Variants in ZC3H12B observed in about 807,000 individuals in gnomAD.
ZC3H12B encodes the protein zinc finger CCCH-type containing 12B.
ZC3H12B carries 7 observed loss-of-function variants against 43.9 expected under a neutral mutation model. The observed-to-expected ratio is 0.16, with a 90% CI of 0.09 to 0.30. The LOEUF (loss-of-function observed/expected upper bound fraction) is 0.30. Ranked by LOEUF, ZC3H12B falls within the 10% of genes least tolerant of loss-of-function variation. The probability of loss-of-function intolerance (pLI) is 1.00; values close to 1 mark genes in which losing one functional copy is unlikely to be tolerated. For synonymous variants in ZC3H12B, 222 were observed against 241.7 expected (o/e 0.92, Z 0.76); for missense variants, 475 against 670.2 (o/e 0.71, Z 3.22).
At chrX:65,121,539 C>A in the ZC3H12B span, among the ~76,000 whole-genome samples, 1 of 111,422 alleles carries the variant, frequency 9.0e-6, no homozygotes, top group Admixed American at 9.5e-5. Context: ...ATTCTTCTCT[C>A]TTTTCTTCTT....
chrX:65,096,047 C>T, the ZC3H12B span, among the ~76,000 whole-genome samples: 2 of 111,509 alleles, frequency 1.8e-5, no homozygotes, highest in South Asian at 7.6e-4. Context: ...CAAGCATCAG[C>T]ACCATAGTTA....
intron 3 of ZC3H12B, among the ~76,000 whole-genome samples, chrX:65,480,859 A>G (rs2068055109): frequency 9.0e-6 from 1 of 110,796 alleles, no homozygotes; most frequent in African/African-American, 3.3e-5. Context: ...AAAAAAAAAA[A>G]AAGAGTACTA....
intron 2 of ZC3H12B, among the ~76,000 whole-genome samples, chrX:65,385,640 T>C (rs566181486): frequency 1.8e-5 from 2 of 111,461 alleles, no homozygotes; most frequent in Middle Eastern, 4.6e-3. Context: ...CCCTTTTTTT[T>C]TATCCTGCAT....
the ZC3H12B span, among the ~76,000 whole-genome samples, chrX:65,161,943 T>C: frequency 2.7e-5 from 3 of 111,692 alleles, no homozygotes; most frequent in South Asian, 7.5e-4. Context: ...CCTTCAGGAG[T>C]TCTTTTAGGG....
At chrX:65,149,129 GC>G in the ZC3H12B span, among the ~76,000 whole-genome samples, 1 of 111,279 alleles carries the variant, frequency 9.0e-6, no homozygotes, top group Admixed American at 9.6e-5. Flanking sequence ...CCTGTCTCAG[GC>G]CCCCAGGGTA....
the ZC3H12B span, among the ~76,000 whole-genome samples, chrX:65,214,051 G>A: frequency 9.0e-6 from 1 of 110,807 alleles, no homozygotes; most frequent in Non-Finnish European, 1.9e-5. Flanking sequence ...TCTAAAAAAT[G>A]TACATATCTT....
chrX:65,321,983 C>T, the ZC3H12B span, among the ~76,000 whole-genome samples: 2 of 111,289 alleles, frequency 1.8e-5, no homozygotes, highest in African/African-American at 3.3e-5. Flanking sequence ...ATACAACAAA[C>T]TTCCATGACA....
At chrX:65,392,660 T>TG (rs1366667950) in intron 2 of ZC3H12B, among the ~76,000 whole-genome samples, 1 of 111,708 alleles carries the variant, frequency 9.0e-6, no homozygotes, top group South Asian at 3.7e-4. Flanking sequence ...CCTCCCCATC[T>TG]GGGGGGTGGG....
At chrX:65,460,563 C>A (rs954210180) in intron 3 of ZC3H12B, among the ~76,000 whole-genome samples, 1 of 111,788 alleles carries the variant, frequency 8.9e-6, no homozygotes, top group African/African-American at 3.3e-5. Context: ...CACATATCTA[C>A]AACAATCTGA....
chrX:65,115,978 T>C, the ZC3H12B span, among the ~76,000 whole-genome samples: 2 of 111,424 alleles, frequency 1.8e-5, no homozygotes, highest in Non-Finnish European at 3.8e-5. Flanking sequence ...ACTGTGAAGA[T>C]TTTCTCCCAG....
chrX:65,106,479 G>C, the ZC3H12B span, among the ~76,000 whole-genome samples: 1 of 111,424 alleles, frequency 9.0e-6, no homozygotes, highest in African/African-American at 3.3e-5. Context: ...ATTTGAAGAA[G>C]ACAAGATCAG....
the ZC3H12B span, among the ~76,000 whole-genome samples, chrX:65,213,462 G>A: frequency 1.8e-5 from 2 of 110,948 alleles, no homozygotes; most frequent in Admixed American, 2.0e-4. Flanking sequence ...AAATGCTTGG[G>A]ACAAGAAGTG....
chrX:65,242,011 C>G, the ZC3H12B span, among the ~76,000 whole-genome samples: 101 of 111,524 alleles, frequency 9.1e-4, no homozygotes, highest in Non-Finnish European at 1.7e-3. Context: ...ACGAAGGGAT[C>G]TCCTTATCCG....
the ZC3H12B span, among the ~76,000 whole-genome samples, chrX:65,037,188 A>G: frequency 3.6e-5 from 4 of 111,162 alleles, no homozygotes; most frequent in Non-Finnish European, 1.9e-5. Flanking sequence ...ATGAGACACC[A>G]TGGTCAACAA....
chrX:65,118,312 C>G, the ZC3H12B span, among the ~76,000 whole-genome samples: 1 of 111,289 alleles, frequency 9.0e-6, no homozygotes, highest in Non-Finnish European at 1.9e-5. Flanking sequence ...GTATTTTATT[C>G]TCTTTGAAGC....
At chrX:65,436,441 T>A (rs778051418) in intron 3 of ZC3H12B, among the ~76,000 whole-genome samples, 106 of 112,688 alleles carry the variant, frequency 9.4e-4, no homozygotes, top group South Asian at 8.4e-3. Context: ...ACCAATTGCA[T>A]GGTGTCCACA....
chrX:65,176,015 G>A, the ZC3H12B span, among the ~76,000 whole-genome samples: 1 of 110,296 alleles, frequency 9.1e-6, no homozygotes, highest in Non-Finnish European at 1.9e-5. Flanking sequence ...TGCCCCAGTG[G>A]CGCCTGGAAC....
rs776022738 is a variant in ZC3H12B, at chrX:65,382,833, T to G, written n.295+13835T>G. On this transcript the variant is annotated intron_variant and non_coding_transcript_variant, in intron 2 of 5. Coordinates refer to the ZC3H12B transcript ENST00000617377. ...AACAGACAAACAGAGAGCCAAATCA[T>G]GAGTGAACTCCCATTCACAATTGCT... Among the ~76,000 whole-genome samples, 152 of 111,469 alleles carry G rather than the reference T, an allele frequency of 1.4e-3. 1 individual carries two copies. The highest frequency in any genetic ancestry group is 4.9e-3 in the African/African-American group (149 of 30,538).
the ZC3H12B span, among the ~76,000 whole-genome samples, chrX:65,121,338 G>T: frequency 4.5e-5 from 5 of 111,195 alleles, no homozygotes; most frequent in Non-Finnish European, 9.4e-5. Flanking sequence ...GCCTGTTATT[G>T]GTCTATTCAG....
Sources: allele counts gnomAD v4.1 joint callset (sites outside exome capture counted in the v4.1 genomes callset), GRCh38; gene constraint gnomAD v4.1.1; transcripts MANE v1.5; gene names NCBI Gene and HGNC (gene_info 2026-07-23, HGNC 2026-07-21).